Variants in EHBP1 observed in about 807,000 individuals in gnomAD.
EHBP1 encodes EH domain-binding protein 1.
EHBP1 carries 55 observed loss-of-function variants against 144.0 expected under a neutral mutation model. The ratio of observed to expected loss-of-function variants is 0.38; its 90% CI spans 0.31 to 0.48. The LOEUF (loss-of-function observed/expected upper bound fraction) is 0.48. Among genes scored for constraint, EHBP1 ranks in the 20% least tolerant of loss-of-function variants. The probability of loss-of-function intolerance (pLI) is 0.98; values close to 1 mark genes in which losing one functional copy is unlikely to be tolerated. For missense variants in EHBP1, 1,200 were observed against 1,364.2 expected (o/e 0.88, Z 1.90); for synonymous variants, 469 against 472.7 (o/e 0.99, Z 0.10).
intron 7 of EHBP1, among the ~76,000 whole-genome samples, chr2:62,838,609 A>G (rs1297335929): frequency 6.6e-6 from 1 of 151,656 alleles, no homozygotes; most frequent in East Asian, 1.9e-4. Flanking sequence ...CTAATAAAGA[A>G]AAAAAGAGAG....
chr2:62,747,949 A>C lies in EHBP1; in HGVS notation c.162+497A>C, dbSNP rs556271854. 5.3e-5 allele frequency among the ~76,000 whole-genome samples: 8 copies of C among 152,142 alleles called. No individual in the cohort carries two copies. The South Asian group carries it at 1.7e-3, about 32-fold the overall frequency. On this transcript the variant is annotated intron_variant, in intron 3 of 22. Coordinates refer to ENST00000431489, the MANE Select transcript of EHBP1 (RefSeq NM_001142616.3). ...GATGCACTAAGAAGGCCCTCACCAG[A>C]TGCCGATGCCTTGATCTTGAACTTC...
At chr2:62,815,242 T>C (rs1392978095) in intron 5 of EHBP1, among the ~76,000 whole-genome samples, 1 of 152,180 alleles carries the variant, frequency 6.6e-6, no homozygotes, top group Non-Finnish European at 1.5e-5. Flanking sequence ...ATTTGTACTA[T>C]CACTGTAAGG....
chr2:62,682,334 C>T (rs150295108), intron 1 of EHBP1, among the ~76,000 whole-genome samples: 4 of 152,234 alleles, frequency 2.6e-5, no homozygotes, highest in African/African-American at 7.2e-5. Flanking sequence ...GGAATAGCTA[C>T]GATTTAAGTG....
intron 7 of EHBP1, among the ~76,000 whole-genome samples, chr2:62,835,959 GC>G (rs1418763009): frequency 6.6e-6 from 1 of 151,542 alleles, no homozygotes; most frequent in Admixed American, 6.6e-5. Flanking sequence ...AAACAAAGCG[GC>G]CCGGAAGCTC....
intron 10 of EHBP1, among the ~76,000 whole-genome samples, chr2:62,930,935 A>G (rs1008797389): frequency 6.6e-6 from 1 of 152,204 alleles, no homozygotes; most frequent in African/African-American, 2.4e-5. Context: ...AGAATAAAAC[A>G]TAGGGCAAAA....
At chr2:62,741,322 G>C (rs2038688429) in intron 2 of EHBP1, among the ~76,000 whole-genome samples, 1 of 152,164 alleles carries the variant, frequency 6.6e-6, no homozygotes, top group African/African-American at 2.4e-5. Flanking sequence ...CGCCTCTCGT[G>C]ATTAACACTG....
chr2:62,784,294 A>T (rs957994780), intron 5 of EHBP1, among the ~76,000 whole-genome samples: 2 of 152,180 alleles, frequency 1.3e-5, no homozygotes, highest in Non-Finnish European at 2.9e-5. Context: ...GAAAGATTGA[A>T]TTTTTTTATA....
intron 19 of EHBP1, among the ~76,000 whole-genome samples, chr2:63,023,589 C>G (rs2060849560): frequency 1.3e-5 from 2 of 152,308 alleles, no homozygotes; most frequent in African/African-American, 4.8e-5. Flanking sequence ...CTACTCTTTA[C>G]CCACCCCAAA....
At chr2:63,007,610 A>G (rs1465473428) in intron 19 of EHBP1, among the ~76,000 whole-genome samples, 1 of 151,778 alleles carries the variant, frequency 6.6e-6, no homozygotes, top group African/African-American at 2.4e-5. Flanking sequence ...TACAGTATAA[A>G]TACCAGCTGA....
chr2:62,954,959 A>G (rs2057605987), intron 13 of EHBP1, among the ~76,000 whole-genome samples: 1 of 152,130 alleles, frequency 6.6e-6, no homozygotes, highest in South Asian at 2.1e-4. Flanking sequence ...TACTTTTTCA[A>G]TTCTAATATT....
intron 1 of EHBP1, among the ~76,000 whole-genome samples, chr2:62,674,978 G>T (rs1188902314): frequency 6.6e-6 from 1 of 152,152 alleles, no homozygotes; most frequent in Non-Finnish European, 1.5e-5. Context: ...GGTCAAAAAA[G>T]TTTGAGAATT....
At chr2:62,729,536 T>TAATATATATTATATATAATATATAA (rs1558563552) in intron 2 of EHBP1, among the ~76,000 whole-genome samples, 31 of 117,868 alleles carry the variant, frequency 2.6e-4, no homozygotes, top group African/African-American at 1.0e-3. Flanking sequence ...ATAATATATA[T>TAATATATATTATATATAATATATAA]AATATATATT....
At chr2:62,865,558 C>A (rs919647019) in intron 9 of EHBP1, among the ~76,000 whole-genome samples, 5 of 152,120 alleles carry the variant, frequency 3.3e-5, no homozygotes, top group Admixed American at 2.0e-4. Context: ...TGGCTACAGA[C>A]CATGACATTA....
At chr2:62,884,947 A>G (rs2051800394) in intron 10 of EHBP1, among the ~76,000 whole-genome samples, 1 of 152,264 alleles carries the variant, frequency 6.6e-6, no homozygotes, top group Non-Finnish European at 1.5e-5. Context: ...TGATGCTTAA[A>G]AAGATCAGCA....
At chr2:62,956,125 A>G (rs1372675530) in intron 14 of EHBP1, 1 of 152,406 alleles carries the variant, frequency 6.6e-6, no homozygotes, top group East Asian at 1.9e-4. Flanking sequence ...AAGGTCACAG[A>G]GTCAATAAAT....
chr2:62,753,987 T>C (rs2040011506), intron 3 of EHBP1, among the ~76,000 whole-genome samples: 1 of 152,222 alleles, frequency 6.6e-6, no homozygotes, highest in Admixed American at 6.5e-5. Flanking sequence ...CCTTCTTCTC[T>C]CAACTTGTCA....
chr2:62,779,972 C>T (rs1209210442), intron 5 of EHBP1, among the ~76,000 whole-genome samples: 1 of 152,068 alleles, frequency 6.6e-6, no homozygotes, highest in Non-Finnish European at 1.5e-5. Flanking sequence ...AAGTACATTT[C>T]AGATATTATA....
intron 10 of EHBP1, among the ~76,000 whole-genome samples, chr2:62,877,375 A>G (rs973246930): frequency 1.3e-5 from 2 of 152,220 alleles, no homozygotes; most frequent in Non-Finnish European, 1.5e-5. Flanking sequence ...AGGGACCTAC[A>G]AAGAGATAAC....
intron 5 of EHBP1, among the ~76,000 whole-genome samples, chr2:62,822,152 T>C (rs139258323): frequency 1.6e-3 from 246 of 152,344 alleles, no homozygotes; most frequent in African/African-American, 5.7e-3. Context: ...ATATGTTTAT[T>C]CATTTTTATA....
Sources: allele counts gnomAD v4.1 joint callset (sites outside exome capture counted in the v4.1 genomes callset), GRCh38; gene constraint gnomAD v4.1.1; transcripts MANE v1.5; gene names NCBI Gene and HGNC (gene_info 2026-07-23, HGNC 2026-07-21).